The following AFAP1L2 variants were observed in gnomAD, a reference collection of about 807,000 sequenced individuals.
AFAP1L2 encodes the protein actin filament associated protein 1 like 2.
Under a neutral mutation model 99.3 loss-of-function variants are expected in AFAP1L2, and 46 were observed. That is an observed-to-expected ratio of 0.46 (90% CI 0.37 to 0.59). The LOEUF (loss-of-function observed/expected upper bound fraction) is 0.59. AFAP1L2 is among the 20% of genes least tolerant of loss of function. AFAP1L2 has a pLI of 0.00. For missense variants in AFAP1L2, 959 were observed against 1,034.9 expected (o/e 0.93, Z 1.01); for synonymous variants, 397 against 419.1 (o/e 0.95, Z 0.64).
At chr10:114,355,931 C>A (rs1564965321) in intron 1 of AFAP1L2, among the ~76,000 whole-genome samples, 2 of 152,138 alleles carry the variant, frequency 1.3e-5, no homozygotes, top group Non-Finnish European at 2.9e-5. Flanking sequence ...AGTAATTGCG[C>A]CACTGCACTC....
At chr10:114,311,288 G>T (rs957022314) in intron 7 of AFAP1L2, among the ~76,000 whole-genome samples, 1 of 152,158 alleles carries the variant, frequency 6.6e-6, no homozygotes, top group African/African-American at 2.4e-5. Context: ...CCTTCTTGCC[G>T]GGGGAACTCC....
At chr10:114,363,955 G>A (rs185837883) in intron 1 of AFAP1L2, among the ~76,000 whole-genome samples, 63 of 59,580 alleles carry the variant, frequency 1.1e-3, no homozygotes, top group Non-Finnish European at 2.1e-3. Flanking sequence ...CAGGATTTGA[G>A]CCAGGATCCT....
chr10:114,285,233 T>C, the AFAP1L2 span, among the ~76,000 whole-genome samples: 5 of 152,194 alleles, frequency 3.3e-5, no homozygotes, highest in Non-Finnish European at 7.3e-5. Context: ...GTTTGAGTGC[T>C]GCCCAGCCCA....
chr10:114,382,450 C>G (rs971489980), intron 1 of AFAP1L2, among the ~76,000 whole-genome samples: 1 of 151,850 alleles, frequency 6.6e-6, no homozygotes, highest in Admixed American at 6.6e-5. Context: ...TATCAGGGAC[C>G]GGGAAGGGTG....
chr10:114,333,610 G>C (rs917382735), intron 2 of AFAP1L2, among the ~76,000 whole-genome samples: 1 of 152,148 alleles, frequency 6.6e-6, no homozygotes, highest in Non-Finnish European at 1.5e-5. Context: ...TTGAGGTCAG[G>C]AGTTGGAGAC....
the AFAP1L2 span, chr10:114,289,574 CA>C: frequency 1.4e-6 from 2 of 1,460,608 alleles, no homozygotes; most frequent in Non-Finnish European, 1.9e-6. Flanking sequence ...ACGAGGATGG[CA>C]GCTCTTCCCA....
At chr10:114,343,046 A>G (rs934493362) in intron 1 of AFAP1L2, among the ~76,000 whole-genome samples, 4 of 152,256 alleles carry the variant, frequency 2.6e-5, no homozygotes, top group Non-Finnish European at 5.9e-5. Flanking sequence ...AATTATAAGA[A>G]AAATAAATTA....
the AFAP1L2 span, chr10:114,289,072 C>T: frequency 6.2e-7 from 1 of 1,614,202 alleles, no homozygotes. Context: ...TGACGTGACA[C>T]AGGTCGGCCT....
intron 2 of AFAP1L2, among the ~76,000 whole-genome samples, chr10:114,333,879 G>A (rs1022571916): frequency 6.6e-6 from 1 of 152,188 alleles, no homozygotes; most frequent in Non-Finnish European, 1.5e-5. Flanking sequence ...ACCAAGTAGA[G>A]ATGTCTCTGG....
At chr10:114,354,053 G>C (rs754706811) in intron 1 of AFAP1L2, among the ~76,000 whole-genome samples, 61 of 152,170 alleles carry the variant, frequency 4.0e-4, no homozygotes, top group Non-Finnish European at 6.6e-4. Context: ...CATGGAGCAC[G>C]ACCGCTGTGG....
chr10:114,285,887 C>G, the AFAP1L2 span: 1 of 1,508,230 alleles, frequency 6.6e-7, no homozygotes, highest in Non-Finnish European at 8.9e-7. Flanking sequence ...TGGGACAGCT[C>G]GCATGCCGCA....
At chr10:114,340,880 G>T (rs577524548) in intron 1 of AFAP1L2, 149 bp from the exon 2 acceptor site, 52 of 1,094,124 alleles carry the variant, frequency 4.8e-5, no homozygotes, top group Middle Eastern at 2.2e-4. Context: ...CGTATGGGGG[G>T]ACTGGGCAGA....
intron 1 of AFAP1L2, among the ~76,000 whole-genome samples, chr10:114,387,730 G>T (rs553505617): frequency 6.6e-6 from 1 of 152,310 alleles, no homozygotes; most frequent in African/African-American, 2.4e-5. Flanking sequence ...GCCACACCCT[G>T]CAACTTTCGA....
intron 1 of AFAP1L2, among the ~76,000 whole-genome samples, chr10:114,365,764 T>C (rs1244912488): frequency 6.6e-6 from 1 of 151,640 alleles, no homozygotes; most frequent in African/African-American, 2.4e-5. Context: ...CCTACTCTTC[T>C]GCCCAGACTG....
chr10:114,324,470 T>C, intron 4 of AFAP1L2, among the ~76,000 whole-genome samples: 1 of 148,882 alleles, frequency 6.7e-6, no homozygotes, highest in Non-Finnish European at 1.5e-5. Flanking sequence ...CAGGCTGGTC[T>C]CAAACTCCTG....
downstream of AFAP1L2, among the ~76,000 whole-genome samples, chr10:114,294,534 TTC>T (rs1205153866): frequency 6.6e-6 from 1 of 152,220 alleles, no homozygotes; most frequent in Non-Finnish European, 1.5e-5. Flanking sequence ...ATTGGTATGT[TTC>T]TTTTTTCCCA....
At chr10:114,326,263 G>A (rs1200471086) in intron 4 of AFAP1L2, among the ~76,000 whole-genome samples, 2 of 152,180 alleles carry the variant, frequency 1.3e-5, no homozygotes, top group African/African-American at 4.8e-5. Flanking sequence ...GGAGTATGGG[G>A]CTTCAGGCAC....
chr10:114,299,001 T>C (rs565176434), intron 16 of AFAP1L2, among the ~76,000 whole-genome samples: 1 of 152,236 alleles, frequency 6.6e-6, no homozygotes, highest in African/African-American at 2.4e-5. Context: ...CCTGTAAAAC[T>C]TCCTTTAACT....
intron 1 of AFAP1L2, among the ~76,000 whole-genome samples, chr10:114,370,511 G>A (rs1234755286): frequency 1.3e-5 from 2 of 152,192 alleles, no homozygotes; most frequent in East Asian, 1.9e-4. Flanking sequence ...TGCAGTGCAG[G>A]GTCCACAGAA....
Sources: gnomAD v4.1 joint callset for allele counts (sites outside exome capture counted in the v4.1 genomes callset) on GRCh38, gnomAD v4.1.1 for gene constraint, MANE v1.5 for transcripts, NCBI Gene and HGNC (gene_info 2026-07-23, HGNC 2026-07-21) for gene names.